The following ACACA variants were observed in gnomAD, a reference collection of about 807,000 sequenced individuals.
ACACA encodes the protein acetyl-CoA carboxylase 1.
Under a neutral mutation model 296.1 loss-of-function variants are expected in ACACA, and 103 were observed. The observed-to-expected ratio is 0.35, with a 90% CI of 0.30 to 0.41. ACACA has a LOEUF of 0.41. Among genes scored for constraint, ACACA ranks in the 10% least tolerant of loss-of-function variants. The pLI, the probability that ACACA is intolerant of heterozygous loss-of-function variation, is 1.00. For synonymous variants in ACACA, 953 were observed against 1,038.6 expected (o/e 0.92, Z 1.58); for missense variants, 1,554 against 2,989.7 (o/e 0.52, Z 11.20).
At chr17:37,336,233 C>A (rs2048111651) in intron 2 of ACACA, among the ~76,000 whole-genome samples, 1 of 152,086 alleles carries the variant, frequency 6.6e-6, no homozygotes, top group South Asian at 2.1e-4. Context: ...ATCAAAGGCA[C>A]CCCTCCCGAG....
chr17:37,219,434 C>G (rs1013340653), intron 29 of ACACA, among the ~76,000 whole-genome samples: 1 of 151,888 alleles, frequency 6.6e-6, no homozygotes, highest in African/African-American at 2.4e-5. Flanking sequence ...TTGAGGGGAC[C>G]CTCAAATTTG....
chr17:37,210,395 T>C, intron 30 of ACACA, 72 bp downstream of exon 30: 3 of 1,418,158 alleles, frequency 2.1e-6, no homozygotes, highest in East Asian at 2.3e-5. Flanking sequence ...TGTGGTTTTT[T>C]TTTTCCTGGT....
chr17:37,216,181 TACAC>T (rs1555600618), intron 29 of ACACA, among the ~76,000 whole-genome samples: 4 of 122,894 alleles, frequency 3.3e-5, no homozygotes, highest in Non-Finnish European at 4.8e-5. Flanking sequence ...TACATATACA[TACAC>T]ACACGTGTGT....
intron 3 of ACACA, among the ~76,000 whole-genome samples, chr17:37,289,709 A>G (rs996819642): frequency 2.6e-5 from 4 of 152,194 alleles, no homozygotes; most frequent in African/African-American, 4.8e-5. Flanking sequence ...CCACTGCATT[A>G]TAGTATTTTT....
chr17:37,252,142 A>G (rs1203582470), intron 15 of ACACA, 34 bp from the exon 16 acceptor site: 2 of 1,551,212 alleles, frequency 1.3e-6, no homozygotes, highest in Admixed American at 1.7e-5. Flanking sequence ...GATCAAATGC[A>G]TGGTCACTTG....
chr17:37,188,782 A>G (rs2077634875), intron 38 of ACACA, among the ~76,000 whole-genome samples: 1 of 152,314 alleles, frequency 6.6e-6, no homozygotes, highest in African/African-American at 2.4e-5. Flanking sequence ...GATCTGCAGT[A>G]TCTAAAATTA....
intron 1 of ACACA, among the ~76,000 whole-genome samples, chr17:37,358,445 G>A (rs533856783): frequency 6.6e-6 from 1 of 152,378 alleles, no homozygotes; most frequent in South Asian, 2.1e-4. Context: ...CCTGGGAACA[G>A]GAACTGGCAG....
At position 37,132,247 on chromosome 17, in the gene ACACA, T is replaced by C. The variant is rs562780954; in HGVS notation, c.5680-2029A>G. Among the ~76,000 whole-genome samples, 43 of 152,356 alleles carry C rather than the reference T, an allele frequency of 2.8e-4. No homozygotes were observed. In the South Asian group the frequency reaches 8.7e-3, roughly 31 times the overall value. On this transcript the variant is annotated intron_variant, in intron 45 of 55. Coordinates refer to ENST00000616317, the MANE Select transcript of ACACA (RefSeq NM_198834.3). ...TTTCTAACAGGCAGAGGGCATTACA[T>C]ACCTGTTTCATTTATATCTTTAAAT... is the stretch of plus-strand genomic sequence containing the variant.
At position 37,299,134 on chromosome 17, in the gene ACACA, T is replaced by C. The variant is rs2083492692; in HGVS notation, c.339-14164A>G. On this transcript the variant is annotated intron_variant, in intron 3 of 55. Transcript: ENST00000616317. Reference sequence around the variant, plus strand: ...GACATTCAGGAGCCAATATGCCCATTTTTATTCATTTTCTTAAAAAAAATA... The same window carrying C: ...GACATTCAGGAGCCAATATGCCCATCTTTATTCATTTTCTTAAAAAAAATA... 4 of 838,464 alleles carry C rather than the reference T, an allele frequency of 4.8e-6. No homozygotes were observed. In the East Asian group the frequency reaches 1.1e-4, roughly 23 times the overall value. The allele number at this position is 838,464 out of a possible 1,614,324, so 51.9% of individuals were successfully genotyped here.
intron 1 of ACACA, among the ~76,000 whole-genome samples, chr17:37,346,484 G>A (rs1420898068): frequency 3.3e-5 from 5 of 151,890 alleles, no homozygotes; most frequent in African/African-American, 7.3e-5. Context: ...GGTAAATCAC[G>A]AGGTCAGGAG....
At chr17:37,262,977 G>A (rs969833272) in intron 11 of ACACA, among the ~76,000 whole-genome samples, 3 of 152,062 alleles carry the variant, frequency 2.0e-5, no homozygotes, top group African/African-American at 7.2e-5. Context: ...TGATCTGTCC[G>A]CCTTAGCCTC....
intron 2 of ACACA, among the ~76,000 whole-genome samples, chr17:37,337,489 T>C (rs555262269): frequency 2.6e-5 from 4 of 151,728 alleles, no homozygotes; most frequent in Middle Eastern, 6.9e-3. Flanking sequence ...GGTCTTGCTC[T>C]GTCACTCAGG....
chr17:37,388,867 C>T lies in ACACA; in HGVS notation c.38+17395G>A, dbSNP rs982284448. On this transcript the variant is annotated intron_variant, in intron 1 of 55. Coordinates refer to ENST00000616317, the MANE Select transcript of ACACA (RefSeq NM_198834.3). ...TTCTTCTGTTCCAGAGGCAGCTTGG[C>T]ATAAGGAGAAAAGCATAGACTTTGG... 3 of 1,547,760 alleles carry T rather than the reference C, an allele frequency of 1.9e-6. No individual in the cohort carries two copies. In the Admixed American group the frequency reaches 5.4e-5, roughly 28 times the overall value.
At chr17:37,361,259 G>A (rs576369907) in intron 1 of ACACA, among the ~76,000 whole-genome samples, 1 of 151,884 alleles carries the variant, frequency 6.6e-6, no homozygotes, top group African/African-American at 2.4e-5. Context: ...GGATGGTCTC[G>A]ATCTCTTGAC....
chr17:37,406,408 T>G lies in ACACA; in HGVS notation c.-109A>C. ...AGGAGCATCTGATTGAAACGCACCC[T>G]CTTCACCCCTTAAAATCAGTCTGGT... On this transcript the variant is annotated 5_prime_UTR_variant, in exon 1 of 56. Transcript: ENST00000616317. 8.4e-7 allele frequency: 1 copy of G among 1,188,506 alleles called. No individual in the cohort carries two copies. Among genetic ancestry groups the G allele is most frequent in the South Asian group, 1.2e-5 (1 of 82,534 alleles). The allele number at this position is 1,188,506 out of a possible 1,614,324, so 73.6% of individuals were successfully genotyped here.
intron 27 of ACACA, among the ~76,000 whole-genome samples, chr17:37,223,860 TAA>T (rs1555604509): frequency 6.6e-6 from 1 of 152,232 alleles, no homozygotes; most frequent in Non-Finnish European, 1.5e-5. Context: ...TATGCTAATA[TAA>T]GTGTTTATGA....
intron 3 of ACACA, among the ~76,000 whole-genome samples, chr17:37,320,446 G>A (rs1408309021): frequency 1.3e-5 from 2 of 150,246 alleles, no homozygotes; most frequent in Non-Finnish European, 3.0e-5. Context: ...GGGAGGCAGA[G>A]GTTGCAGTGA....
intron 45 of ACACA, chr17:37,144,473 G>A (rs2075729677): frequency 7.4e-6 from 2 of 270,536 alleles, no homozygotes; most frequent in Non-Finnish European, 1.4e-5. Context: ...CTTTCATGCT[G>A]TGTTTCACAG....
rs766417959 is a variant in ACACA at position 37,339,793 on chromosome 17, T to C, written c.85+11A>G. The C allele has an allele frequency of 1.2e-4, 159 of 1,364,006 alleles. 1 individual carries two copies. In the Admixed American group the frequency reaches 2.7e-3, roughly 23 times the overall value. The allele number at this position is 1,364,006 out of a possible 1,614,324, so 84.5% of individuals were successfully genotyped here. On this transcript the variant is annotated intron_variant, in intron 2 of 55. Coordinates refer to ENST00000616317, the MANE Select transcript of ACACA (RefSeq NM_198834.3). ...TCACATTGTAAACAAGGAGTATTAT[T>C]TGTAACTGACCTCTTATAATTCTTA...
Sources: gnomAD v4.1 joint callset for allele counts (sites outside exome capture counted in the v4.1 genomes callset) on GRCh38, gnomAD v4.1.1 for gene constraint, MANE v1.5 for transcripts, NCBI Gene and HGNC (gene_info 2026-07-23, HGNC 2026-07-21) for gene names.